The following PDE4D variants were observed in gnomAD, a reference collection of about 807,000 sequenced individuals.
PDE4D encodes the protein 3',5'-cyclic-AMP phosphodiesterase 4D.
In PDE4D, 24 loss-of-function variants were observed where a neutral mutation model predicts 87.4. The observed-to-expected ratio is 0.27, with a 90% CI of 0.20 to 0.39. The LOEUF (loss-of-function observed/expected upper bound fraction) is 0.39. Among genes scored for constraint, PDE4D ranks in the 10% least tolerant of loss-of-function variants. The pLI is 1.00. For synonymous variants in PDE4D, 384 were observed against 383.2 expected, an observed-to-expected ratio of 1.00 and a Z score of -0.02; for missense variants, 714 against 1,041.0, an observed-to-expected ratio of 0.69 and a Z score of 4.32.
intron 5 of PDE4D, among the ~76,000 whole-genome samples, chr5:59,176,355 C>A (rs1430053748): frequency 6.6e-5 from 10 of 152,058 alleles, no homozygotes; most frequent in African/African-American, 2.2e-4. Flanking sequence ...GAGTTCAAGA[C>A]CATCCTGGCT....
At chr5:59,927,500 C>G (rs1045584430) in intron 3 of PDE4D, among the ~76,000 whole-genome samples, 1 of 152,172 alleles carries the variant, frequency 6.6e-6, no homozygotes, top group Non-Finnish European at 1.5e-5. Context: ...AATTCTCATA[C>G]TTTAAGAAGA....
intron 1 of PDE4D, among the ~76,000 whole-genome samples, chr5:60,473,184 AAG>A (rs151326064): frequency 6.8e-4 from 95 of 139,956 alleles, no homozygotes; most frequent in Non-Finnish European, 1.2e-3. Flanking sequence ...AGGAAGGAAA[AAG>A]AAAGAAAAAA....
chr5:59,484,276 C>T (rs1804734958), intron 1 of PDE4D, among the ~76,000 whole-genome samples: 1 of 152,200 alleles, frequency 6.6e-6, no homozygotes, highest in African/African-American at 2.4e-5. Context: ...AATACCAGCA[C>T]TAACTGGTGA....
intron 1 of PDE4D, among the ~76,000 whole-genome samples, chr5:59,302,649 T>C (rs147767212): frequency 0.072 from 10,957 of 152,250 alleles, 530 homozygotes; most frequent in South Asian, 0.13. Flanking sequence ...TATTCCTGAG[T>C]TACTTCACTT....
At chr5:59,606,024 T>C (rs1828150470) in intron 1 of PDE4D, among the ~76,000 whole-genome samples, 1 of 152,040 alleles carries the variant, frequency 6.6e-6, no homozygotes, top group Admixed American at 6.6e-5. Flanking sequence ...ATAAGAACAG[T>C]TGATATACAT....
intron 2 of PDE4D, among the ~76,000 whole-genome samples, chr5:59,992,881 T>C (rs1763155138): frequency 6.6e-6 from 1 of 152,118 alleles, no homozygotes; most frequent in Non-Finnish European, 1.5e-5. Context: ...TATAAGAGGC[T>C]TTTTTCACAC....
intron 5 of PDE4D, 149 bp from the exon 6 acceptor site, chr5:59,039,120 G>T: frequency 7.2e-7 from 1 of 1,384,458 alleles, no homozygotes. Flanking sequence ...TGCCCAGCCC[G>T]GCAGTGCAAC....
chr5:60,067,464 G>A (rs1772227956), intron 2 of PDE4D, among the ~76,000 whole-genome samples: 1 of 152,030 alleles, frequency 6.6e-6, no homozygotes, highest in Admixed American at 6.6e-5. Flanking sequence ...ACCTATAAAT[G>A]TAAGAACATG....
chr5:60,373,809 T>G (rs1039221797), intron 1 of PDE4D, among the ~76,000 whole-genome samples: 1 of 152,180 alleles, frequency 6.6e-6, no homozygotes, highest in African/African-American at 2.4e-5. Context: ...CCTTATTCCT[T>G]GGCTCATGGC....
intron 2 of PDE4D, among the ~76,000 whole-genome samples, chr5:60,050,300 T>C (rs1339288991): frequency 1.3e-5 from 2 of 152,042 alleles, no homozygotes; most frequent in Admixed American, 1.3e-4. Flanking sequence ...GTACCTCAGA[T>C]GGAAATGCAG....
intron 1 of PDE4D, among the ~76,000 whole-genome samples, chr5:60,374,394 T>A (rs1339515532): frequency 6.6e-6 from 1 of 152,126 alleles, no homozygotes; most frequent in Non-Finnish European, 1.5e-5. Flanking sequence ...CAAATCCTCT[T>A]GGGGATTCTT....
intron 2 of PDE4D, among the ~76,000 whole-genome samples, chr5:60,092,786 T>C (rs975185879): frequency 6.6e-6 from 1 of 152,236 alleles, no homozygotes; most frequent in Non-Finnish European, 1.5e-5. Context: ...CCAGATTTAT[T>C]TGTGTGAACA....
chr5:60,146,844 A>G (rs1417015449), intron 2 of PDE4D, among the ~76,000 whole-genome samples: 1 of 152,220 alleles, frequency 6.6e-6, no homozygotes, highest in Non-Finnish European at 1.5e-5. Context: ...TAAAAGACAT[A>G]CAAATGGCCA....
At chr5:60,493,123 A>G (rs968938561) in intron 1 of PDE4D, among the ~76,000 whole-genome samples, 3 of 152,136 alleles carry the variant, frequency 2.0e-5, no homozygotes, top group Non-Finnish European at 2.9e-5. Context: ...CCTGCCCTGT[A>G]TTTTGCTGTG....
At chr5:60,107,008 C>T (rs1777028030) in intron 2 of PDE4D, among the ~76,000 whole-genome samples, 1 of 151,914 alleles carries the variant, frequency 6.6e-6, no homozygotes, top group Admixed American at 6.6e-5. Context: ...TAACTAAAAT[C>T]AGAGGAGAAC....
At chr5:59,849,175 ATCAT>A (rs1744311844) in intron 1 of PDE4D, among the ~76,000 whole-genome samples, 1 of 152,078 alleles carries the variant, frequency 6.6e-6, no homozygotes, top group Non-Finnish European at 1.5e-5. Context: ...AGACTCATTA[ATCAT>A]TCATTTAAAC....
intron 1 of PDE4D, among the ~76,000 whole-genome samples, chr5:59,243,648 T>TG (rs1233410233): frequency 6.6e-6 from 1 of 151,480 alleles, no homozygotes; most frequent in African/African-American, 2.4e-5. Context: ...TTAGTAGAGA[T>TG]GGGGTTTCTC....
At chr5:59,312,028 C>G (rs1029752896) in intron 1 of PDE4D, among the ~76,000 whole-genome samples, 2 of 152,126 alleles carry the variant, frequency 1.3e-5, no homozygotes, top group African/African-American at 4.8e-5. Flanking sequence ...ACCCCTGGAT[C>G]CTCCCCCTAT....
chr5:60,352,462 G>A (rs1018432603), intron 1 of PDE4D, among the ~76,000 whole-genome samples: 2 of 152,196 alleles, frequency 1.3e-5, no homozygotes, highest in Non-Finnish European at 2.9e-5. Flanking sequence ...GACCAAGAGC[G>A]AAAGCTGAGG....
Sources: gnomAD v4.1 joint callset for allele counts (sites outside exome capture counted in the v4.1 genomes callset) on GRCh38, gnomAD v4.1.1 for gene constraint, MANE v1.5 for transcripts, NCBI Gene and HGNC (gene_info 2026-07-23, HGNC 2026-07-21) for gene names.